ITGA8: variants seen among roughly 807,000 people sequenced by gnomAD.
ITGA8 encodes the protein integrin subunit alpha 8, also known as integrin alpha-8.
Under a neutral mutation model 142.3 loss-of-function variants are expected in ITGA8, and 91 were observed. The ratio of observed to expected loss-of-function variants is 0.64; its 90% CI spans 0.54 to 0.76. The LOEUF (loss-of-function observed/expected upper bound fraction) is 0.76. Ranked by LOEUF, ITGA8 falls within the 30% of genes least tolerant of loss-of-function variation. The pLI, the probability that ITGA8 is intolerant of heterozygous loss-of-function variation, is 0.00. For synonymous variants in ITGA8, 505 were observed against 485.2 expected (o/e 1.04, Z -0.54); for missense variants, 1,406 against 1,327.7 (o/e 1.06, Z -0.92).
chr10:15,575,650 TA>T, intron 23 of ITGA8, 56 bp from the exon 24 acceptor site: 1 of 1,356,700 alleles, frequency 7.4e-7, no homozygotes, highest in Non-Finnish European at 1.1e-6. Context: ...AAGAATGTTT[TA>T]CTAGTGGACA....
chr10:15,527,422 G>C (rs1490609824), intron 28 of ITGA8, among the ~76,000 whole-genome samples: 3 of 152,166 alleles, frequency 2.0e-5, no homozygotes, highest in Non-Finnish European at 1.5e-5. Flanking sequence ...GTAAATTATA[G>C]AATTGAGTGT....
chr10:15,672,282 A>G (rs922327079), intron 7 of ITGA8, among the ~76,000 whole-genome samples: 4 of 152,162 alleles, frequency 2.6e-5, no homozygotes, highest in African/African-American at 9.7e-5. Flanking sequence ...AGCAACTCAA[A>G]CTTCTCTTGT....
chr10:15,595,793 C>T (rs1038435637), intron 21 of ITGA8, among the ~76,000 whole-genome samples: 12 of 152,142 alleles, frequency 7.9e-5, no homozygotes, highest in Non-Finnish European at 1.6e-4. Context: ...AGGCTGGGCT[C>T]GGTGGCACAC....
At chr10:15,612,088 A>G (rs992100474) in intron 15 of ITGA8, among the ~76,000 whole-genome samples, 1 of 152,196 alleles carries the variant, frequency 6.6e-6, no homozygotes, top group East Asian at 1.9e-4. Flanking sequence ...GCTCTCTGAC[A>G]TATTTTCTCA....
At chr10:15,698,479 A>C (rs1469322287) in intron 2 of ITGA8, among the ~76,000 whole-genome samples, 1 of 152,146 alleles carries the variant, frequency 6.6e-6, no homozygotes, top group Non-Finnish European at 1.5e-5. Flanking sequence ...TCTTTCAGGA[A>C]TCTCTACACT....
chr10:15,665,155 C>T lies in ITGA8; in HGVS notation c.848-4233G>A, dbSNP rs1365048134. 2.0e-5 allele frequency among the ~76,000 whole-genome samples: 3 copies of T among 152,200 alleles called. No homozygotes were observed. The East Asian group carries it at 5.8e-4, about 29-fold the overall frequency. On this transcript the variant is annotated intron_variant, in intron 8 of 29. Transcript: ENST00000378076. ...CAACAGTGTGAAAGTGTTCCTATTT[C>T]TCCACATCCTCTCCAGCACCTGTTG...
At chr10:15,691,171 T>C (rs1158418251) in intron 2 of ITGA8, among the ~76,000 whole-genome samples, 1 of 152,156 alleles carries the variant, frequency 6.6e-6, no homozygotes, top group Non-Finnish European at 1.5e-5. Flanking sequence ...GCAGGGCTAT[T>C]ATCAAAAAGA....
At chr10:15,565,572 G>GTTTT (rs1834062355) in intron 25 of ITGA8, among the ~76,000 whole-genome samples, 1 of 55,434 alleles carries the variant, frequency 1.8e-5, no homozygotes, top group Non-Finnish European at 3.6e-5. Context: ...TTCATGTCCT[G>GTTTT]ATTTTTTTTT....
chr10:15,546,792 AAAAAT>A (rs142147187), intron 27 of ITGA8, among the ~76,000 whole-genome samples: 8,222 of 151,658 alleles, frequency 0.054, 723 homozygotes, highest in African/African-American at 0.19. Context: ...AAAGCAATGA[AAAAAT>A]AAAGAAAGGA....
At chr10:15,561,850 G>A (rs1833988380) in intron 25 of ITGA8, among the ~76,000 whole-genome samples, 1 of 152,118 alleles carries the variant, frequency 6.6e-6, no homozygotes, top group Non-Finnish European at 1.5e-5. Flanking sequence ...AAAGGAAAGA[G>A]GTTTAATTGA....
At chr10:15,615,270 G>T (rs1280750262) in intron 14 of ITGA8, among the ~76,000 whole-genome samples, 1 of 152,156 alleles carries the variant, frequency 6.6e-6, no homozygotes, top group African/African-American at 2.4e-5. Context: ...CACCTTGAGG[G>T]TTTTGACTGT....
At chr10:15,640,873 T>C (rs1009667854) in intron 13 of ITGA8, among the ~76,000 whole-genome samples, 1 of 151,914 alleles carries the variant, frequency 6.6e-6, no homozygotes, top group Non-Finnish European at 1.5e-5. Context: ...ACACAGACAA[T>C]GGAACGAGCC....
At chr10:15,694,266 G>T (rs1834995515) in intron 2 of ITGA8, among the ~76,000 whole-genome samples, 1 of 91,302 alleles carries the variant, frequency 1.1e-5, no homozygotes, top group Admixed American at 1.2e-4. Context: ...ATATACATCA[G>T]ATAATATATC....
intron 13 of ITGA8, among the ~76,000 whole-genome samples, chr10:15,631,541 G>A (rs1217537036): frequency 6.6e-6 from 1 of 151,772 alleles, no homozygotes; most frequent in Non-Finnish European, 1.5e-5. Context: ...ACAGAGACAG[G>A]AACATCACAT....
chr10:15,591,727 G>C (rs1268513850), intron 22 of ITGA8, among the ~76,000 whole-genome samples: 1 of 152,182 alleles, frequency 6.6e-6, no homozygotes, highest in African/African-American at 2.4e-5. Flanking sequence ...ATCATTGCTA[G>C]AGAAGGGCTT....
intron 22 of ITGA8, among the ~76,000 whole-genome samples, chr10:15,589,459 T>C (rs1363116084): frequency 6.6e-6 from 1 of 152,098 alleles, no homozygotes; most frequent in Admixed American, 6.6e-5. Flanking sequence ...AATGCAAATA[T>C]TTGGTAACAG....
At chr10:15,634,819 G>A (rs1260868064) in intron 13 of ITGA8, among the ~76,000 whole-genome samples, 1 of 151,984 alleles carries the variant, frequency 6.6e-6, no homozygotes, top group East Asian at 1.9e-4. Flanking sequence ...TTTCGAATAG[G>A]TCCATTGATT....
At chr10:15,648,336 A>G (rs549017012) in intron 11 of ITGA8, among the ~76,000 whole-genome samples, 2 of 152,104 alleles carry the variant, frequency 1.3e-5, no homozygotes, top group African/African-American at 4.8e-5. Context: ...AGATTAGGCA[A>G]TATGCTGAAG....
chr10:15,582,622 T>G (rs1173051937), intron 23 of ITGA8, among the ~76,000 whole-genome samples: 5 of 152,228 alleles, frequency 3.3e-5, no homozygotes, highest in Non-Finnish European at 7.3e-5. Context: ...GGGTAGAAGA[T>G]TTGAAGGGAT....
Sources: allele counts gnomAD v4.1 joint callset (sites outside exome capture counted in the v4.1 genomes callset), GRCh38; gene constraint gnomAD v4.1.1; transcripts MANE v1.5; gene names NCBI Gene and HGNC (gene_info 2026-07-23, HGNC 2026-07-21).